ZPLD1: variants seen among roughly 807,000 people sequenced by gnomAD.
ZPLD1 encodes the protein zona pellucida-like domain-containing protein 1.
Under a neutral mutation model 47.2 loss-of-function variants are expected in ZPLD1, and 34 were observed. The ratio of observed to expected loss-of-function variants is 0.72; its 90% CI spans 0.55 to 0.96. ZPLD1 has a LOEUF of 0.96. Ranked by LOEUF, ZPLD1 falls within the 40% of genes least tolerant of loss-of-function variation. The pLI is 0.00. For synonymous variants in ZPLD1, 176 were observed against 186.2 expected (o/e 0.95, Z 0.45); for missense variants, 512 against 505.8 (o/e 1.01, Z -0.12).
chr3:102,416,674 C>T (rs1304195500), intron 7 of ZPLD1, among the ~76,000 whole-genome samples: 1 of 151,848 alleles, frequency 6.6e-6, no homozygotes. Context: ...GGGGTACATG[C>T]AATAATTTGA....
At position 102,475,827 on chromosome 3, in the gene ZPLD1, GA is replaced by G. The variant is rs975930863; in HGVS notation, c.1043-1177del. ...CGTTTCTGCCAAGATTCATGTGTCT[GA>G]AAAAAAATGGTGTCAGATATTTTAT... On this transcript the variant is annotated intron_variant, in intron 10 of 11. Coordinates refer to ENST00000466937, the MANE Select transcript of ZPLD1 (RefSeq NM_001329788.2). Among the ~76,000 whole-genome samples the G allele has an allele frequency of 3.3e-5, 5 of 151,854 alleles. No homozygotes were observed. In the East Asian group the frequency reaches 7.7e-4, roughly 23 times the overall value.
chr3:102,407,654 GA>G (rs1321095258), intron 7 of ZPLD1, among the ~76,000 whole-genome samples: 1 of 151,174 alleles, frequency 6.6e-6, no homozygotes, highest in African/African-American at 2.4e-5. Flanking sequence ...CAGTAGTCAT[GA>G]ACACAGTCAT....
intron 8 of ZPLD1, among the ~76,000 whole-genome samples, chr3:102,429,674 C>T (rs1297106808): frequency 1.3e-5 from 2 of 151,926 alleles, no homozygotes; most frequent in Non-Finnish European, 2.9e-5. Context: ...TGGAGAAGGC[C>T]CTTATTCTTG....
At chr3:102,407,366 G>T (rs1706699636) in intron 7 of ZPLD1, among the ~76,000 whole-genome samples, 1 of 98,042 alleles carries the variant, frequency 1.0e-5, no homozygotes, top group African/African-American at 3.8e-5. Context: ...TTTTATTTCA[G>T]GTATTTATAG....
intron 8 of ZPLD1, among the ~76,000 whole-genome samples, chr3:102,425,280 C>CCA (rs1706930421): frequency 6.6e-6 from 1 of 151,962 alleles, no homozygotes; most frequent in East Asian, 1.9e-4. Context: ...ACAGTTTTGC[C>CCA]ATGATGAATC....
At chr3:102,452,525 T>C (rs1707353637) in intron 3 of ZPLD1, among the ~76,000 whole-genome samples, 4 of 152,184 alleles carry the variant, frequency 2.6e-5, no homozygotes, top group Admixed American at 6.5e-5. Flanking sequence ...ATGCATCATT[T>C]GTAGTGATTT....
chr3:102,388,009 C>T (rs62274712), intron 6 of ZPLD1, among the ~76,000 whole-genome samples: 20,018 of 151,836 alleles, frequency 0.13, 1,368 homozygotes, highest in Middle Eastern at 0.17. Flanking sequence ...TACAGGCGCC[C>T]GCCACCACGC....
intron 7 of ZPLD1, among the ~76,000 whole-genome samples, chr3:102,408,375 T>A (rs552187208): frequency 1.3e-5 from 2 of 151,998 alleles, no homozygotes; most frequent in East Asian, 3.9e-4. Flanking sequence ...TTGTCAGAAC[T>A]GGATCACACG....
At chr3:102,416,374 T>A (rs184690623) in intron 7 of ZPLD1, among the ~76,000 whole-genome samples, 1 of 151,978 alleles carries the variant, frequency 6.6e-6, no homozygotes, top group African/African-American at 2.4e-5. Context: ...GCTACTGATT[T>A]TTTCTATAAA....
chr3:102,432,028 T>C (rs563816520), upstream of ZPLD1, among the ~76,000 whole-genome samples: 2 of 152,366 alleles, frequency 1.3e-5, no homozygotes, highest in South Asian at 4.1e-4. Flanking sequence ...TGCCTACCTG[T>C]GTGGCTTTAG....
Position 102,456,175 on chromosome 3 carries a change from C to A in ZPLD1, c.328-18C>A. ...ATATAGCCATTTAATCATTAAACTG[C>A]ATCTAACATTCTAACAGGTATCCAC... is the stretch of plus-strand genomic sequence containing the variant. On this transcript the variant is annotated intron_variant, in intron 4 of 11. Coordinates refer to ENST00000466937, the MANE Select transcript of ZPLD1 (RefSeq NM_001329788.2). 2 of 1,601,678 alleles carry A rather than the reference C, an allele frequency of 1.2e-6. No homozygotes were observed. Among genetic ancestry groups the A allele is most frequent in the Non-Finnish European group, 1.7e-6 (2 of 1,174,292 alleles).
chr3:102,446,659 T>C (rs916721643), intron 3 of ZPLD1, among the ~76,000 whole-genome samples: 8 of 152,198 alleles, frequency 5.3e-5, no homozygotes, highest in Non-Finnish European at 7.4e-5. Context: ...TTTTTCTTCA[T>C]GCAGTCTTCT....
rs114937216 is a variant in ZPLD1 at position 102,395,209 on chromosome 3, C to G, written c.-157+2984C>G. Reference sequence around the variant, plus strand: ...AACAGACTCCAAAAACGTCCATGTCCTAATCCCCATAACCTATGACTATGT... The same window carrying G: ...AACAGACTCCAAAAACGTCCATGTCGTAATCCCCATAACCTATGACTATGT... On this transcript the variant is annotated intron_variant, in intron 7 of 17. Coordinates refer to the ZPLD1 transcript ENST00000491959. Among the ~76,000 whole-genome samples, 486 of 152,214 alleles carry G rather than the reference C, an allele frequency of 3.2e-3. 4 individuals carry two copies. Among genetic ancestry groups the G allele is most frequent in the African/African-American group, 0.012 (479 of 41,554 alleles).
At chr3:102,391,999 C>T (rs931590440) in intron 6 of ZPLD1, among the ~76,000 whole-genome samples, 3 of 152,102 alleles carry the variant, frequency 2.0e-5, no homozygotes, top group Non-Finnish European at 1.5e-5. Flanking sequence ...ATCAACTAAC[C>T]AACCAACCAA....
chr3:102,393,227 A>G (rs1706518756), intron 7 of ZPLD1, among the ~76,000 whole-genome samples: 1 of 152,172 alleles, frequency 6.6e-6, no homozygotes, highest in Non-Finnish European at 1.5e-5. Flanking sequence ...GAATTGGTTA[A>G]ATTTTAAGAC....
Position 102,438,597 on chromosome 3 carries a change from A to G in ZPLD1, c.106+4A>G. 1.2e-6 allele frequency: 2 copies of G among 1,601,632 alleles called. No homozygotes were observed. The highest frequency in any genetic ancestry group is 1.7e-6 in the Non-Finnish European group (2 of 1,168,776). ...AACCTCCACAGTAGATTTCCTGGTA[A>G]GTGTAAGCCTAATCTATTCTCTAGT... On this transcript the variant is annotated splice_donor_region_variant and intron_variant, in intron 3 of 11. Transcript: ENST00000466937.
At position 102,456,352 on chromosome 3, in the gene ZPLD1, G is replaced by A. The variant is rs760858649; in HGVS notation, c.487G>A (p.Val163Ile). 8.7e-6 allele frequency: 14 copies of A among 1,611,824 alleles called. No homozygotes were observed. The highest frequency in any genetic ancestry group is 3.4e-5 in the Admixed American group (2 of 59,656). The part of the protein sequence containing the change: ...FSCSYPLEYL[V>I]NNTQLASSSA... ...TTGTAGTTATCCATTGGAATACCTG[G>A]TTAATAATACCCAGCTTGCTTCGTA... The change falls in exon 5 of 12, where the codon GTT (valine) becomes ATT (isoleucine). Residue 163 changes from valine (V) to isoleucine (I), a missense_variant. Transcript: ENST00000466937.
At chr3:102,458,077 C>T (rs1249596056) in intron 6 of ZPLD1, among the ~76,000 whole-genome samples, 1 of 151,998 alleles carries the variant, frequency 6.6e-6, no homozygotes, top group Non-Finnish European at 1.5e-5. Context: ...AATTTTATAT[C>T]GTAAGTGTGA....
At chr3:102,410,521 A>G (rs1323642578) in intron 7 of ZPLD1, among the ~76,000 whole-genome samples, 1 of 151,692 alleles carries the variant, frequency 6.6e-6, no homozygotes, top group Admixed American at 6.6e-5. Flanking sequence ...ATTGCTAGCT[A>G]CTCTAATATT....
Sources: allele counts gnomAD v4.1 joint callset (sites outside exome capture counted in the v4.1 genomes callset), GRCh38; gene constraint gnomAD v4.1.1; transcripts MANE v1.5; gene names NCBI Gene and HGNC (gene_info 2026-07-23, HGNC 2026-07-21).